PLXNA2: variants seen among roughly 807,000 people sequenced by gnomAD.
The protein encoded by PLXNA2 is plexin A2.
Under a neutral mutation model 193.5 loss-of-function variants are expected in PLXNA2, and 91 were observed. The ratio of observed to expected loss-of-function variants is 0.47; its 90% confidence interval spans 0.40 to 0.56. The LOEUF (loss-of-function observed/expected upper bound fraction) is 0.56. Among genes scored for constraint, PLXNA2 ranks in the 20% least tolerant of loss-of-function variants. PLXNA2 has a pLI of 0.00. For synonymous variants in PLXNA2, 997 were observed against 1,027.3 expected, an observed-to-expected ratio of 0.97 and a Z score of 0.56; for missense variants, 1,995 against 2,503.2, an observed-to-expected ratio of 0.80 and a Z score of 4.33.
chr1:208,227,412 G>A (rs764899356), intron 1 of PLXNA2, among the ~76,000 whole-genome samples: 59 of 152,174 alleles, frequency 3.9e-4, no homozygotes, highest in Non-Finnish European at 7.4e-4. Context: ...CTAACGTGAC[G>A]AGCATCAGCT....
chr1:208,113,780 C>T (rs763916626), intron 4 of PLXNA2, among the ~76,000 whole-genome samples: 2 of 151,990 alleles, frequency 1.3e-5, no homozygotes, highest in Non-Finnish European at 1.5e-5. Flanking sequence ...GGTCTTGAAC[C>T]CCTGGGCTCA....
intron 3 of PLXNA2, among the ~76,000 whole-genome samples, chr1:208,203,344 A>T (rs1572028263): frequency 6.6e-6 from 1 of 151,804 alleles, no homozygotes; most frequent in East Asian, 1.9e-4. Context: ...GAGGGTCTCT[A>T]CTCCCCACCA....
intron 2 of PLXNA2, among the ~76,000 whole-genome samples, chr1:208,211,326 G>A (rs1482842018): frequency 6.6e-6 from 1 of 152,142 alleles, no homozygotes; most frequent in Admixed American, 6.5e-5. Context: ...AAGGAGAGTG[G>A]TGGTGTGGCT....
chr1:208,206,545 A>T (rs1206274479), intron 3 of PLXNA2, among the ~76,000 whole-genome samples: 1 of 152,036 alleles, frequency 6.6e-6, no homozygotes, highest in Non-Finnish European at 1.5e-5. Context: ...CAAGGTCTAG[A>T]ATGCCCTTCT....
At chr1:208,029,341 C>T (rs367965854) in intron 29 of PLXNA2, 2 of 1,199,996 alleles carry the variant, frequency 1.7e-6, no homozygotes, top group Non-Finnish European at 2.1e-6. Context: ...GACTCTGTGC[C>T]CCTAGGCAAG....
At chr1:208,045,350 A>C in intron 18 of PLXNA2, 140 bp from the exon 19 acceptor site, 1 of 731,240 alleles carries the variant, frequency 1.4e-6, no homozygotes, top group East Asian at 2.5e-5. Context: ...GTTTTTGTGG[A>C]GGGGACTTCT....
In PLXNA2 at chr1:208,084,674, C is replaced by G. The variant is rs994772120; in HGVS notation, c.2098-94G>C. 65 of 1,211,524 alleles carry G rather than the reference C, an allele frequency of 5.4e-5. No individual in the cohort carries two copies. The African/African-American group carries it at 7.9e-4, about 15-fold the overall frequency. 75.0% of individuals were successfully genotyped at this position (1,211,524 alleles called of 1,614,324 possible). A position where few individuals can be genotyped will look rare whatever the true frequency, so the allele number is the denominator to read the frequency against. ...GGCCCCTCTTGTATCAGGTGAGCTGCCCAAGAGCAGGATATTACCTCATGT... is the reference window on the plus strand; with the variant it reads ...GGCCCCTCTTGTATCAGGTGAGCTGGCCAAGAGCAGGATATTACCTCATGT... On this transcript the variant is annotated intron_variant, in intron 9 of 31. Coordinates refer to ENST00000367033, the MANE Select transcript of PLXNA2 (RefSeq NM_025179.4).
intron 2 of PLXNA2, among the ~76,000 whole-genome samples, chr1:208,216,519 A>G (rs1487013243): frequency 1.3e-5 from 2 of 152,198 alleles, no homozygotes; most frequent in East Asian, 1.9e-4. Context: ...CACTCAATAC[A>G]TATATTTGAA....
intron 3 of PLXNA2, among the ~76,000 whole-genome samples, chr1:208,165,029 C>T (rs987874148): frequency 6.6e-6 from 1 of 152,180 alleles, no homozygotes; most frequent in African/African-American, 2.4e-5. Flanking sequence ...TTCTCTTGTG[C>T]CCCCTGTTTG....
chr1:208,093,514 A>C (rs181066654), intron 8 of PLXNA2, among the ~76,000 whole-genome samples: 1 of 152,348 alleles, frequency 6.6e-6, no homozygotes, highest in Admixed American at 6.5e-5. Flanking sequence ...AAATGAGATA[A>C]TGCATAGAAA....
At position 208,084,523 on chromosome 1, in the gene PLXNA2, G is replaced by C. The variant is rs1666447659; in HGVS notation, c.2155C>G (p.Pro719Ala). The change falls in exon 10 of 32, where the codon CCA (proline) becomes GCA (alanine). Residue 719 changes from proline (P) to alanine (A), a missense_variant. Coordinates refer to ENST00000367033, the MANE Select transcript of PLXNA2 (RefSeq NM_025179.4). ...EILIPVGEVK[P>A]ITLKARNLPQ... ...AGATTTCGCGCCTTAAGGGTGATTG[G>C]CTTTACCTCCCCGACTGGAATCAAG... 1.2e-6 allele frequency: 2 copies of C among 1,614,144 alleles called. No individual in the cohort carries two copies. Among genetic ancestry groups the C allele is most frequent in the Non-Finnish European group, 1.7e-6 (2 of 1,180,046 alleles).
In PLXNA2 at chr1:208,027,057, C is replaced by A; in HGVS notation, c.*186G>T. 1.8e-6 allele frequency: 1 copy of A among 542,776 alleles called. No homozygotes were observed. The highest frequency in any genetic ancestry group is 1.9e-5 in the African/African-American group (1 of 52,896). 33.6% of individuals were successfully genotyped at this position (542,776 alleles called of 1,614,324 possible). A position where few individuals can be genotyped will look rare whatever the true frequency, so the allele number is the denominator to read the frequency against. ...GATGGACGACGCCCACTGTCTCTCC[C>A]AGCTGGAACTGGCTATGACGAAACT... On this transcript the variant is annotated 3_prime_UTR_variant, in exon 32 of 32. Transcript: ENST00000367033.
In PLXNA2 at chr1:208,031,550, C is replaced by T. The variant is rs1004008397; in HGVS notation, c.5225+40G>A. The T allele has an allele frequency of 6.2e-6, 10 of 1,612,246 alleles. No individual in the cohort carries two copies. In the African/African-American group the frequency reaches 1.3e-4, roughly 22 times the overall value. On this transcript the variant is annotated intron_variant, in intron 29 of 31. Coordinates refer to ENST00000367033, the MANE Select transcript of PLXNA2 (RefSeq NM_025179.4). ...CCTCATCCCTCTTAGCTCCAGGCCT[C>T]TCCAGGCTGCACCTCCTGCTGAGCT...
In PLXNA2 at chr1:208,052,346, G is replaced by T. The variant is rs759749343; in HGVS notation, c.2974C>A (p.Gln992Lys). ...GSSVAVYLGNQTCEFYGRSMS... is the reference protein window; with the variant it reads ...GSSVAVYLGNKTCEFYGRSMS... ...TCTCACCCGTAGAACTCGCAGGTCT[G>T]GTTGCCCAGGTAGACTGCCACGCTG... The change falls in exon 15 of 32, where the codon CAG (glutamine) becomes AAG (lysine). Residue 992 changes from glutamine (Q) to lysine (K), a missense_variant. Physicochemically the swap from Gln to Lys is moderately conservative, Grantham distance 53. Transcript: ENST00000367033. 7.0e-5 allele frequency: 113 copies of T among 1,613,120 alleles called. 1 individual carries two copies. In the South Asian group the frequency reaches 1.2e-3, roughly 17 times the overall value.
At chr1:208,194,127 G>A (rs903327344) in intron 3 of PLXNA2, among the ~76,000 whole-genome samples, 2 of 151,770 alleles carry the variant, frequency 1.3e-5, no homozygotes, top group African/African-American at 2.4e-5. Context: ...CAAGGAAAGA[G>A]ACTGTGAGAA....
chr1:208,115,057 C>T (rs534751203), intron 4 of PLXNA2, among the ~76,000 whole-genome samples: 1 of 152,318 alleles, frequency 6.6e-6, no homozygotes, highest in South Asian at 2.1e-4. Flanking sequence ...CAGGAAAGCT[C>T]CTAGGCTTTG....
chr1:208,190,677 T>C (rs942338295), intron 3 of PLXNA2, among the ~76,000 whole-genome samples: 3 of 152,216 alleles, frequency 2.0e-5, no homozygotes, highest in African/African-American at 7.2e-5. Flanking sequence ...GACATAGCAA[T>C]GAAAAGACAT....
At chr1:208,101,260 T>A (rs543701996) in intron 5 of PLXNA2, among the ~76,000 whole-genome samples, 1 of 152,114 alleles carries the variant, frequency 6.6e-6, no homozygotes, top group East Asian at 1.9e-4. Context: ...CCCCAACCCC[T>A]CAGAGGCTCC....
At chr1:208,154,209 G>C (rs1668863359) in intron 3 of PLXNA2, among the ~76,000 whole-genome samples, 2 of 152,190 alleles carry the variant, frequency 1.3e-5, no homozygotes, top group African/African-American at 4.8e-5. Flanking sequence ...GCTGGGCAGA[G>C]TGCCAGCGTG....
Sources: gnomAD v4.1 joint callset for allele counts (sites outside exome capture counted in the v4.1 genomes callset) on GRCh38, gnomAD v4.1.1 for gene constraint, MANE v1.5 for transcripts, NCBI Gene and HGNC (gene_info 2026-07-23, HGNC 2026-07-21) for gene names.